The following NXPE4 variants were observed in gnomAD, a reference collection of about 807,000 sequenced individuals.
NXPE4 encodes neurexophilin and PC-esterase domain family member 4.
In NXPE4, 42 loss-of-function variants were observed where a neutral mutation model predicts 33.3. The observed-to-expected ratio is 1.26, with a 90% CI of 0.98 to 1.63. The LOEUF (loss-of-function observed/expected upper bound fraction) is 1.63, where lower values mean the gene tolerates loss of function less well. Among genes scored for constraint, NXPE4 ranks in the 40% most tolerant of loss-of-function variants. The pLI is 0.00. For missense variants in NXPE4, 709 were observed against 647.6 expected, an observed-to-expected ratio of 1.09 and a Z score of -1.03; for synonymous variants, 253 against 234.9, an observed-to-expected ratio of 1.08 and a Z score of -0.71.
chr11:114,582,569 G>T lies in NXPE4; in HGVS notation c.549C>A (p.His183Gln). ...AGAGAGCTGACACCCCTTCACTGGGGTGGATGAGCAGCAGAGACAGAGAGA... is the reference window on the plus strand; with the variant it reads ...AGAGAGCTGACACCCCTTCACTGGGTTGGATGAGCAGCAGAGACAGAGAGA... ...GQVSLSLLLI[H>Q]PSEGVSALWS... Residue 183 changes from histidine (H) to glutamine (Q), a missense_variant, in exon 3 of 6, where the codon CAC (histidine) becomes CAA (glutamine). Coordinates refer to ENST00000375478, the MANE Select transcript of NXPE4 (RefSeq NM_001077639.2). The T allele has an allele frequency of 6.2e-7, 1 of 1,614,180 alleles. No individual in the cohort carries two copies. Among genetic ancestry groups the T allele is most frequent in the Non-Finnish European group, 8.5e-7 (1 of 1,180,006 alleles).
At chr11:114,583,608 C>T in intron 2 of NXPE4, 1 of 594,578 alleles carries the variant, frequency 1.7e-6, no homozygotes, top group Non-Finnish European at 3.3e-6. Flanking sequence ...GGCTCTGTGG[C>T]AAGTGCTGTG....
the NXPE4 span, among the ~76,000 whole-genome samples, chr11:114,675,893 A>G: frequency 6.6e-6 from 1 of 152,018 alleles, no homozygotes; most frequent in Non-Finnish European, 1.5e-5. Flanking sequence ...ATGGGCATAA[A>G]AACAGACACA....
At chr11:114,668,989 G>A in the NXPE4 span, among the ~76,000 whole-genome samples, 1 of 152,066 alleles carries the variant, frequency 6.6e-6, no homozygotes. Flanking sequence ...TCCACTCCCA[G>A]CTCTATAGAG....
chr11:114,603,729 C>G, the NXPE4 span, among the ~76,000 whole-genome samples: 2 of 151,506 alleles, frequency 1.3e-5, no homozygotes, highest in Non-Finnish European at 2.9e-5. Context: ...TAGTTAACTC[C>G]TATTACCCAG....
rs188765981 is a variant in NXPE4, at chr11:114,583,886, T to C, written c.97-865A>G. On this transcript the variant is annotated intron_variant, in intron 2 of 5. Transcript: ENST00000375478. ...GTACTTCCCAGGAGATGGGGACTTA[T>C]GGGTTATTGGGGCTGGCAAAGGCAG... is the stretch of plus-strand genomic sequence containing the variant. 9.5e-4 allele frequency: 374 copies of C among 393,644 alleles called. 3 individuals carry two copies. The highest frequency in any genetic ancestry group is 8.6e-3 in the Admixed American group (269 of 31,168). 24.4% of individuals were successfully genotyped at this position (393,644 alleles called of 1,614,324 possible). A position where few individuals can be genotyped will look rare whatever the true frequency, so the allele number is the denominator to read the frequency against.
chr11:114,583,892 A>T (rs1949217287), intron 2 of NXPE4: 2 of 393,614 alleles, frequency 5.1e-6, no homozygotes, highest in Admixed American at 3.2e-5. Context: ...CTTATGGGTT[A>T]TTGGGGCTGG....
intron 2 of NXPE4, among the ~76,000 whole-genome samples, chr11:114,589,431 G>T (rs1199313777): frequency 6.6e-6 from 1 of 152,150 alleles, no homozygotes; most frequent in Non-Finnish European, 1.5e-5. Flanking sequence ...CATGAGGGGT[G>T]TGGGGTGTCT....
chr11:114,596,674 T>G (rs571985079), upstream of NXPE4, among the ~76,000 whole-genome samples: 1 of 152,188 alleles, frequency 6.6e-6, no homozygotes, highest in Non-Finnish European at 1.5e-5. Flanking sequence ...GATTGTTAAA[T>G]TTTTCACTGA....
At chr11:114,671,847 A>G in the NXPE4 span, among the ~76,000 whole-genome samples, 1 of 151,970 alleles carries the variant, frequency 6.6e-6, no homozygotes, top group Admixed American at 6.6e-5. Context: ...TGAATACACA[A>G]ACAGACACAC....
the NXPE4 span, among the ~76,000 whole-genome samples, chr11:114,641,178 T>G: frequency 6.6e-6 from 1 of 151,442 alleles, no homozygotes; most frequent in East Asian, 1.9e-4. Context: ...GCTGAAGAAC[T>G]CTCCCAGAAA....
chr11:114,592,531 TCACA>T (rs556698266), intron 2 of NXPE4, among the ~76,000 whole-genome samples: 1 of 148,152 alleles, frequency 6.7e-6, no homozygotes, highest in East Asian at 2.0e-4. Context: ...ACACACACAC[TCACA>T]CACACACACA....
chr11:114,675,275 T>C, the NXPE4 span, among the ~76,000 whole-genome samples: 14,002 of 151,824 alleles, frequency 0.092, 766 homozygotes, highest in Middle Eastern at 0.2. Flanking sequence ...ACTCTTGCCA[T>C]TGAATTCAAC....
chr11:114,572,699 A>G (rs1422572310), intron 5 of NXPE4, among the ~76,000 whole-genome samples: 1 of 152,220 alleles, frequency 6.6e-6, no homozygotes, highest in African/African-American at 2.4e-5. Flanking sequence ...AAAGCCACCA[A>G]GAAGTTTGGG....
At chr11:114,607,469 T>C in the NXPE4 span, among the ~76,000 whole-genome samples, 3 of 151,860 alleles carry the variant, frequency 2.0e-5, no homozygotes, top group African/African-American at 4.8e-5. Context: ...TGATAAATAT[T>C]GCCTCATGGG....
the NXPE4 span, among the ~76,000 whole-genome samples, chr11:114,657,467 A>G: frequency 1.3e-5 from 2 of 152,166 alleles, no homozygotes; most frequent in African/African-American, 4.8e-5. Context: ...AAATCACAGT[A>G]TTTCATATCA....
chr11:114,637,454 T>C, the NXPE4 span, among the ~76,000 whole-genome samples: 4 of 151,878 alleles, frequency 2.6e-5, no homozygotes, highest in African/African-American at 4.8e-5. Context: ...GAGCATTTAG[T>C]CCATTTACAT....
At chr11:114,668,817 T>C in the NXPE4 span, among the ~76,000 whole-genome samples, 1 of 152,020 alleles carries the variant, frequency 6.6e-6, no homozygotes, top group Non-Finnish European at 1.5e-5. Context: ...GCAAATCCTC[T>C]CCCAGAAATA....
chr11:114,607,517 G>C, the NXPE4 span, among the ~76,000 whole-genome samples: 1 of 151,744 alleles, frequency 6.6e-6, no homozygotes. Context: ...GTTTTGCCTG[G>C]TGGGTAACCA....
the NXPE4 span, among the ~76,000 whole-genome samples, chr11:114,610,301 G>C: frequency 6.6e-6 from 1 of 150,982 alleles, no homozygotes. Flanking sequence ...GTGTTGCCTA[G>C]TGTGTAACCA....
Sources: allele counts gnomAD v4.1 joint callset (sites outside exome capture counted in the v4.1 genomes callset), GRCh38; gene constraint gnomAD v4.1.1; transcripts MANE v1.5; gene names NCBI Gene and HGNC (gene_info 2026-07-23, HGNC 2026-07-21).